TTC28: variants seen among roughly 807,000 people sequenced by gnomAD.
TTC28 encodes the protein tetratricopeptide repeat protein 28.
Under a neutral mutation model 198.0 loss-of-function variants are expected in TTC28, and 61 were observed. The observed-to-expected ratio is 0.31, with a 90% CI of 0.25 to 0.38. The LOEUF is 0.38. Ranked by LOEUF, TTC28 falls within the 10% of genes least tolerant of loss-of-function variation. The pLI, the probability that TTC28 is intolerant of heterozygous loss-of-function variation, is 1.00. For synonymous variants in TTC28, 1,171 were observed against 1,297.8 expected (o/e 0.90, Z 2.10); for missense variants, 2,678 against 3,164.0 (o/e 0.85, Z 3.69).
intron 5 of TTC28, among the ~76,000 whole-genome samples, chr22:28,272,706 T>C (rs1206721010): frequency 4.6e-5 from 7 of 152,208 alleles, no homozygotes; most frequent in African/African-American, 1.4e-4. Context: ...TCAAGGTATT[T>C]GGGATGGAAG....
chr22:28,200,435 AT>A lies in TTC28; in HGVS notation c.934-36837del, dbSNP rs759746808. Among the ~76,000 whole-genome samples the A allele has an allele frequency of 9.2e-5, 14 of 152,256 alleles. 1 individual carries two copies. The highest frequency in any genetic ancestry group is 4.1e-4 in the South Asian group (2 of 4,822). On this transcript the variant is annotated intron_variant, in intron 5 of 22. Coordinates refer to ENST00000397906, the MANE Select transcript of TTC28 (RefSeq NM_001145418.2). ...AAACAGTTTTATTTTCTTTGAAAAA[AT>A]CCTAGTCTTAATACATCTGAATTAA... is the stretch of plus-strand genomic sequence containing the variant.
At chr22:28,179,631 C>T (rs1923517183) in intron 5 of TTC28, among the ~76,000 whole-genome samples, 1 of 152,198 alleles carries the variant, frequency 6.6e-6, no homozygotes, top group Admixed American at 6.5e-5. Flanking sequence ...TGTGTCACCA[C>T]ATTCTCTTTG....
chr22:28,572,032 C>T (rs555373550), intron 2 of TTC28, among the ~76,000 whole-genome samples: 1 of 151,392 alleles, frequency 6.6e-6, no homozygotes, highest in Admixed American at 6.6e-5. Flanking sequence ...AAGAGAAACT[C>T]ATTGTATAAA....
chr22:27,997,840 G>A (rs1937579510), intron 16 of TTC28: 1 of 152,400 alleles, frequency 6.6e-6, no homozygotes, highest in Non-Finnish European at 1.5e-5. Context: ...AGGGTTTCCT[G>A]CAAAGCAGAG....
rs146105125 is a variant in TTC28, at chr22:28,550,525, A to G, written c.381+79027T>C. Among the ~76,000 whole-genome samples the G allele has an allele frequency of 7.0e-3, 1,066 of 152,246 alleles. 11 individuals carry two copies. Among genetic ancestry groups the G allele is most frequent in the African/African-American group, 0.025 (1,029 of 41,560 alleles). On this transcript the variant is annotated intron_variant, in intron 2 of 22. Transcript: ENST00000397906. ...ACTGTTAAAGACTAATCAAGTATTC[A>G]TGCCCTACTTCTATCAGGAGTGTGC...
intron 5 of TTC28, among the ~76,000 whole-genome samples, chr22:28,236,608 A>G (rs1929264851): frequency 6.6e-6 from 1 of 152,230 alleles, no homozygotes; most frequent in Non-Finnish European, 1.5e-5. Flanking sequence ...TCGGGTGACC[A>G]AGACGCTGAT....
chr22:27,982,699 G>A lies in TTC28; in HGVS notation c.6968C>T (p.Ala2323Val), dbSNP rs1937064140. The A allele has an allele frequency of 3.2e-6, 5 of 1,551,570 alleles. No individual in the cohort carries two copies. The highest frequency in any genetic ancestry group is 3.5e-6 in the Non-Finnish European group (4 of 1,146,970). ...QSPAGSAPSP[A>V]LSYSSAGSAR... ...AGATCCAGCTGAGGAGTAGGAGAGA[G>A]CTGGGGAGGGTGCACTGCCAGCAGG... The change falls in exon 23 of 23, where the codon GCT (alanine) becomes GTT (valine). Residue 2323 changes from alanine to valine, a missense_variant. By Grantham distance (64) the Ala-to-Val change is moderately conservative. Around this residue, in one of 8 missense-constraint regions of TTC28, gnomAD observed 622 missense variants for 656.0 expected, o/e 0.95. Transcript: ENST00000397906. This position sits in a 1 kb window ranked among gnomAD's most constrained non-coding sequence, Gnocchi z 5.2.
intron 2 of TTC28, among the ~76,000 whole-genome samples, chr22:28,598,246 C>T (rs2050574087): frequency 6.6e-6 from 1 of 151,792 alleles, no homozygotes; most frequent in Non-Finnish European, 1.5e-5. Flanking sequence ...CACAGTGGCT[C>T]ATGCCTGTAA....
At chr22:28,299,034 G>T (rs963585350) in intron 3 of TTC28, among the ~76,000 whole-genome samples, 2 of 152,084 alleles carry the variant, frequency 1.3e-5, no homozygotes, top group African/African-American at 4.8e-5. Flanking sequence ...AGAACATAGG[G>T]GTCAGTAAGC....
chr22:28,270,321 G>A (rs1931976659), intron 5 of TTC28, among the ~76,000 whole-genome samples: 1 of 152,130 alleles, frequency 6.6e-6, no homozygotes. Flanking sequence ...TGACTATTCA[G>A]GGTTACATTC....
At chr22:28,001,272 T>C in intron 15 of TTC28, 102 bp downstream of exon 15, 3 of 1,386,012 alleles carry the variant, frequency 2.2e-6, no homozygotes, top group African/African-American at 1.4e-5. Flanking sequence ...TTTGAGGAGA[T>C]CACAGCTATG....
intron 1 of TTC28, among the ~76,000 whole-genome samples, chr22:28,633,034 C>T (rs773772373): frequency 3.0e-4 from 45 of 151,814 alleles, no homozygotes; most frequent in Non-Finnish European, 5.3e-4. Flanking sequence ...AATCCCAGCA[C>T]TTTGGGAGGC....
intron 14 of TTC28, among the ~76,000 whole-genome samples, chr22:28,013,439 T>C (rs1938234888): frequency 6.6e-6 from 1 of 152,220 alleles, no homozygotes; most frequent in South Asian, 2.1e-4. Context: ...TAAAAAGTGA[T>C]GTGCAAAGAC....
In TTC28 at chr22:27,982,985, G is replaced by A. The variant is rs1212620405; in HGVS notation, c.6682C>T (p.Pro2228Ser). Residue 2228 changes from proline (P) to serine (S), a missense_variant, in exon 23 of 23, where the codon CCA becomes TCA. Pro to Ser is a moderately conservative substitution (Grantham distance 74). Coordinates refer to ENST00000397906, the MANE Select transcript of TTC28 (RefSeq NM_001145418.2). This position sits in a 1 kb window ranked among gnomAD's most constrained non-coding sequence, Gnocchi z 5.2. Reference sequence around the variant, plus strand: ...GGGGGCTTTGGTTTAACAGTGACTGGTGATGGCTGACTCTTCTGATGGGAG... The same window carrying A: ...GGGGGCTTTGGTTTAACAGTGACTGATGATGGCTGACTCTTCTGATGGGAG... ...VLSHQKSQPSPVTVKPKPPAR... is the reference protein window; with the variant it reads ...VLSHQKSQPSSVTVKPKPPAR... 6.4e-7 allele frequency: 1 copy of A among 1,551,706 alleles called. No individual in the cohort carries two copies. Among genetic ancestry groups the A allele is most frequent in the Non-Finnish European group, 8.7e-7 (1 of 1,146,994 alleles).
Position 28,107,193 on chromosome 22 carries a change from C to T in TTC28, c.2652G>A (p.Gly884=). The T allele has an allele frequency of 1.3e-6, 2 of 1,551,656 alleles. No homozygotes were observed. The highest frequency in any genetic ancestry group is 1.7e-4 in the Middle Eastern group (1 of 5,992). ...AGTCACCCAGGGCTTCGTAGCAATC[C>T]CCCAGGTTGCCATAGGCCCGGCCCC... is the stretch of plus-strand genomic sequence containing the variant. The part of the protein sequence containing the change: ...LDRGRAYGNL[G]DCYEALGDYE... The change falls in exon 7 of 23, where the codon GGG becomes GGA. Residue 884 remains glycine, a synonymous_variant. Transcript: ENST00000397906.
chr22:28,479,229 T>G (rs1209907851), intron 2 of TTC28, among the ~76,000 whole-genome samples: 1 of 152,194 alleles, frequency 6.6e-6, no homozygotes, highest in East Asian at 1.9e-4. Context: ...AGTAGCAAGC[T>G]AACCCAATCA....
chr22:28,554,837 C>T (rs555205276), intron 2 of TTC28, among the ~76,000 whole-genome samples: 1 of 152,202 alleles, frequency 6.6e-6, no homozygotes, highest in African/African-American at 2.4e-5. Context: ...TACCACTCTA[C>T]TCCAGCCTGG....
intron 2 of TTC28, among the ~76,000 whole-genome samples, chr22:28,531,286 T>C (rs573728146): frequency 2.8e-4 from 42 of 151,968 alleles, no homozygotes; most frequent in Non-Finnish European, 5.2e-4. Context: ...AGACTTTAAA[T>C]AAACAAAGAT....
chr22:28,081,611 G>A (rs967820214), intron 12 of TTC28, among the ~76,000 whole-genome samples: 1 of 151,580 alleles, frequency 6.6e-6, no homozygotes, highest in African/African-American at 2.4e-5. Context: ...TCCCCCTTCA[G>A]CCTCCTGAGT....
Sources: allele counts gnomAD v4.1 joint callset (sites outside exome capture counted in the v4.1 genomes callset), GRCh38; gene constraint gnomAD v4.1.1; regional missense constraint gnomAD v4.1.1; non-coding constraint Gnocchi (gnomAD v3.1); transcripts MANE v1.5; gene names NCBI Gene and HGNC (gene_info 2026-07-23, HGNC 2026-07-21).